The following SLC8A3 variants were observed in gnomAD, a reference collection of about 807,000 sequenced individuals.
SLC8A3 encodes sodium/calcium exchanger 3.
In SLC8A3, 37 loss-of-function variants were observed where a neutral mutation model predicts 65.4. That is an observed-to-expected ratio of 0.57 (90% CI 0.44 to 0.74). The LOEUF is 0.74. Ranked by LOEUF, SLC8A3 falls within the 30% of genes least tolerant of loss-of-function variation. The pLI is 0.00. For missense variants in SLC8A3, 1,112 were observed against 1,172.1 expected (o/e 0.95, Z 0.75); for synonymous variants, 461 against 444.5 (o/e 1.04, Z -0.47).
intron 2 of SLC8A3, among the ~76,000 whole-genome samples, chr14:70,069,931 C>A (rs548950418): frequency 9.2e-5 from 14 of 152,052 alleles, no homozygotes; most frequent in East Asian, 1.9e-4. Context: ...AAGGCCCCAG[C>A]GTGTGTGGAT....
chr14:70,046,333 GAC>G lies in SLC8A3; in HGVS notation c.2390-12_2390-11del. The G allele has an allele frequency of 6.3e-7, 1 of 1,594,054 alleles. No homozygotes were observed. Among genetic ancestry groups the G allele is most frequent in the Non-Finnish European group, 8.6e-7 (1 of 1,168,856 alleles). On this transcript the variant is annotated splice_polypyrimidine_tract_variant and intron_variant, in intron 6 of 6. Coordinates refer to ENST00000356921, the MANE Select transcript of SLC8A3 (RefSeq NM_182932.3). This position sits in a 1 kb window ranked among gnomAD's most constrained non-coding sequence, Gnocchi z 4.2. ...TTGCTGGCAAACGTATCTGGAAAAGGACAAAGACACATGGGAACTGGTAGGAG... is the reference window on the plus strand; with the variant it reads ...TTGCTGGCAAACGTATCTGGAAAAGGAAAGACACATGGGAACTGGTAGGAG...
At chr14:70,162,294 A>G (rs999826633) in intron 2 of SLC8A3, among the ~76,000 whole-genome samples, 2 of 152,184 alleles carry the variant, frequency 1.3e-5, no homozygotes, top group Non-Finnish European at 2.9e-5. Context: ...GTCCTTTCAA[A>G]CCCTCACTTT....
intron 2 of SLC8A3, among the ~76,000 whole-genome samples, chr14:70,131,697 G>A (rs757907972): frequency 2.0e-5 from 3 of 152,234 alleles, no homozygotes; most frequent in African/African-American, 7.2e-5. Context: ...AAAGGGAAAT[G>A]TGTCAGTTAC....
intron 1 of SLC8A3, among the ~76,000 whole-genome samples, chr14:70,180,889 T>C (rs1882693480): frequency 6.6e-6 from 1 of 152,196 alleles, no homozygotes; most frequent in South Asian, 2.1e-4. Flanking sequence ...GGCACCTTAC[T>C]GGCTGGACAG....
At chr14:70,155,022 C>A (rs111306684) in intron 2 of SLC8A3, among the ~76,000 whole-genome samples, 1 of 150,218 alleles carries the variant, frequency 6.7e-6, no homozygotes, top group Admixed American at 6.7e-5. Context: ...CAGGTTCAAG[C>A]GATTCTCCTG....
chr14:70,131,875 A>G (rs61977455), intron 2 of SLC8A3, among the ~76,000 whole-genome samples: 17,687 of 152,266 alleles, frequency 0.12, 1,229 homozygotes, highest in Non-Finnish European at 0.16. Context: ...AGGACAGATA[A>G]GACAGGGCCA....
At chr14:70,120,052 C>A (rs1292593389) in intron 2 of SLC8A3, among the ~76,000 whole-genome samples, 1 of 152,176 alleles carries the variant, frequency 6.6e-6, no homozygotes, top group Non-Finnish European at 1.5e-5. Flanking sequence ...AAACCTCCCC[C>A]CTCTATTGGT....
At chr14:70,132,081 G>A (rs1894873783) in intron 2 of SLC8A3, among the ~76,000 whole-genome samples, 1 of 152,232 alleles carries the variant, frequency 6.6e-6, no homozygotes, top group African/African-American at 2.4e-5. Context: ...TGGCAAGGCT[G>A]GAGCTAAAGC....
chr14:70,085,747 C>T (rs555877145), intron 2 of SLC8A3, among the ~76,000 whole-genome samples: 140 of 152,336 alleles, frequency 9.2e-4, no homozygotes, highest in Non-Finnish European at 1.6e-3. Context: ...CCAATATGTC[C>T]TATGCCACAT....
intron 2 of SLC8A3, among the ~76,000 whole-genome samples, chr14:70,114,034 C>T (rs1893488531): frequency 1.3e-5 from 2 of 152,162 alleles, no homozygotes; most frequent in African/African-American, 4.8e-5. Flanking sequence ...CATTCATAAC[C>T]CAGAAAGCTA....
intron 2 of SLC8A3, among the ~76,000 whole-genome samples, chr14:70,125,935 G>A (rs1894416744): frequency 6.6e-6 from 1 of 152,176 alleles, no homozygotes; most frequent in Admixed American, 6.5e-5. Flanking sequence ...TTACTGAATA[G>A]CTGTATGATC....
At chr14:70,081,448 C>T (rs1566765607) in intron 2 of SLC8A3, among the ~76,000 whole-genome samples, 1 of 152,134 alleles carries the variant, frequency 6.6e-6, no homozygotes, top group Non-Finnish European at 1.5e-5. Context: ...CTATCTGATT[C>T]CTCGAGCTCA....
rs1049804429 is a variant in SLC8A3, at chr14:70,151,002, C to G, written c.1784+15637G>C. On this transcript the variant is annotated intron_variant, in intron 2 of 6. Coordinates refer to ENST00000356921, the MANE Select transcript of SLC8A3 (RefSeq NM_182932.3). ...AGGCGCGGTAGCTCATGCCTGTAAT[C>G]CCCGCACTTTGAGAGGCTGAGGTGG... is the stretch of plus-strand genomic sequence containing the variant. 3.3e-5 allele frequency among the ~76,000 whole-genome samples: 5 copies of G among 152,172 alleles called. No homozygotes were observed. In the East Asian group the frequency reaches 9.6e-4, roughly 29 times the overall value.
At chr14:70,083,905 A>G (rs987588431) in intron 2 of SLC8A3, among the ~76,000 whole-genome samples, 5 of 152,112 alleles carry the variant, frequency 3.3e-5, no homozygotes, top group Admixed American at 1.3e-4. Context: ...CAGTATATGA[A>G]GATGGTCCAT....
At chr14:70,160,723 A>G (rs1345527778) in intron 2 of SLC8A3, among the ~76,000 whole-genome samples, 1 of 152,026 alleles carries the variant, frequency 6.6e-6, no homozygotes, top group Non-Finnish European at 1.5e-5. Flanking sequence ...AGTCCCTAAA[A>G]CAAATTAACC....
chr14:70,049,249 G>C (rs753739886), intron 5 of SLC8A3, among the ~76,000 whole-genome samples: 2 of 152,192 alleles, frequency 1.3e-5, no homozygotes, highest in Non-Finnish European at 2.9e-5. Context: ...TTGAATGCAG[G>C]GCACCAAGGT....
intron 3 of SLC8A3, among the ~76,000 whole-genome samples, chr14:70,058,219 C>T (rs1888382142): frequency 6.6e-6 from 1 of 152,114 alleles, no homozygotes; most frequent in Non-Finnish European, 1.5e-5. Flanking sequence ...TCAGACTCTC[C>T]CATGCAGTAG....
At position 70,063,460 on chromosome 14, in the gene SLC8A3, T is replaced by C. The variant is rs74061041; in HGVS notation, c.1785-2521A>G. 8.4e-3 allele frequency among the ~76,000 whole-genome samples: 1,277 copies of C among 152,298 alleles called. 24 individuals are homozygous for C. Among genetic ancestry groups the C allele is most frequent in the African/African-American group, 0.029 (1,224 of 41,566 alleles). On this transcript the variant is annotated intron_variant, in intron 2 of 6. Transcript: ENST00000356921. ...TGGTGCTGGGCTATGTGGTCCCTTT[T>C]CCCCCCTTTATGCCCAGCCATTCTG...
intron 2 of SLC8A3, among the ~76,000 whole-genome samples, chr14:70,087,100 A>G (rs1057441980): frequency 3.9e-5 from 6 of 152,222 alleles, no homozygotes; most frequent in Admixed American, 1.3e-4. Context: ...ATTCTCAAGA[A>G]TCTCTAGCCA....
Sources: gnomAD v4.1 joint callset for allele counts (sites outside exome capture counted in the v4.1 genomes callset) on GRCh38, gnomAD v4.1.1 for gene constraint, Gnocchi (gnomAD v3.1) non-coding constraint, MANE v1.5 for transcripts, NCBI Gene and HGNC (gene_info 2026-07-23, HGNC 2026-07-21) for gene names.